Variants in ATP6V0D1 observed in about 807,000 individuals in gnomAD.
The protein encoded by ATP6V0D1 is ATPase H+ transporting V0 subunit d1.
In ATP6V0D1, 13 loss-of-function variants were observed where a neutral mutation model predicts 39.0. The ratio of observed to expected loss-of-function variants is 0.33; its 90% CI spans 0.22 to 0.53. The LOEUF is 0.53. Among genes scored for constraint, ATP6V0D1 ranks in the 20% least tolerant of loss-of-function variants. ATP6V0D1 has a pLI of 0.94. For missense variants in ATP6V0D1, 272 were observed against 470.9 expected, an observed-to-expected ratio of 0.58 and a Z score of 3.91; for synonymous variants, 191 against 191.2, an observed-to-expected ratio of 1.00 and a Z score of 0.01.
At chr16:67,463,063 GCAGGAGCATCCT>G (rs2041301558) in intron 1 of ATP6V0D1, among the ~76,000 whole-genome samples, 1 of 152,204 alleles carries the variant, frequency 6.6e-6, no homozygotes, top group Non-Finnish European at 1.5e-5. Flanking sequence ...CTGGATCCTG[GCAGGAGCATCCT>G]GCCAGTTCCA....
intron 4 of ATP6V0D1, chr16:67,440,650 T>C (rs1267737906): frequency 6.6e-6 from 1 of 152,204 alleles, no homozygotes; most frequent in Non-Finnish European, 1.5e-5. Context: ...CAACTTGGGC[T>C]CACAAGCTCT....
At position 67,448,240 on chromosome 16, in the gene ATP6V0D1, C is replaced by T. The variant is rs535003803; in HGVS notation, c.303-3534G>A. Among the ~76,000 whole-genome samples the T allele has an allele frequency of 5.3e-5, 8 of 152,046 alleles. No homozygotes were observed. The East Asian group carries it at 1.4e-3, about 26-fold the overall frequency. ...GGTGGCATGCACTTGTAATACCAGA[C>T]ACTTGGGAGGCTGAGGCAGGAGGAT... On this transcript the variant is annotated intron_variant, in intron 2 of 7. Coordinates refer to ENST00000290949, the MANE Select transcript of ATP6V0D1 (RefSeq NM_004691.5).
intron 7 of ATP6V0D1, 42 bp downstream of exon 7, chr16:67,438,751 C>A: frequency 6.2e-7 from 1 of 1,614,158 alleles, no homozygotes; most frequent in Non-Finnish European, 8.5e-7. Flanking sequence ...GTCTAAACCA[C>A]CAGGTTGGCC....
chr16:67,455,639 C>A (rs1451208332), intron 1 of ATP6V0D1: 1 of 152,240 alleles, frequency 6.6e-6, no homozygotes. Flanking sequence ...GCAGAAGCCA[C>A]CAGCCCCTGT....
chr16:67,441,892 A>G (rs866141794), intron 4 of ATP6V0D1, among the ~76,000 whole-genome samples: 39 of 152,198 alleles, frequency 2.6e-4, no homozygotes, highest in African/African-American at 8.7e-4. Flanking sequence ...CTTTCTGAGA[A>G]GACTCTGCTC....
At chr16:67,468,475 A>C (rs2041347585) in intron 1 of ATP6V0D1, among the ~76,000 whole-genome samples, 1 of 151,632 alleles carries the variant, frequency 6.6e-6, no homozygotes, top group Non-Finnish European at 1.5e-5. Flanking sequence ...GTAGCCCTAC[A>C]TACTTGGGGG....
chr16:67,464,719 T>C (rs1239949706), intron 1 of ATP6V0D1, among the ~76,000 whole-genome samples: 1 of 152,196 alleles, frequency 6.6e-6, no homozygotes, highest in African/African-American at 2.4e-5. Context: ...AAAAGCCCCA[T>C]CCACCAGCCA....
At chr16:67,441,142 G>A (rs2142297059) in intron 4 of ATP6V0D1, 1 of 152,428 alleles carries the variant, frequency 6.6e-6, no homozygotes, top group South Asian at 2.1e-4. Context: ...GGGTCAGGGA[G>A]GCTGGTGGGA....
rs368251428 is a variant in ATP6V0D1, at chr16:67,481,014, C to T, written c.73G>A (p.Ala25Thr). ...YLEGLVRGLK[A>T]GVLSQADYLN... is the part of the protein sequence containing the mutation. ...TAGTCGGCCTGGCTGAGCACCCCGG[C>T]CTTCAGGCCGCGCACCAGTCCCTCC... Residue 25 changes from alanine to threonine, a missense_variant, in exon 1 of 8, where the codon GCC becomes ACC. Around this residue, in one of 4 missense-constraint regions of ATP6V0D1, gnomAD observed 81 missense variants for 96.0 expected, o/e 0.84. Coordinates refer to ENST00000290949, the MANE Select transcript of ATP6V0D1 (RefSeq NM_004691.5). 1.9e-6 allele frequency: 3 copies of T among 1,614,088 alleles called. No individual in the cohort carries two copies. Among genetic ancestry groups the T allele is most frequent in the East Asian group, 2.2e-5 (1 of 44,890 alleles).
At chr16:67,452,738 T>C (rs990187422) in intron 2 of ATP6V0D1, among the ~76,000 whole-genome samples, 2 of 152,210 alleles carry the variant, frequency 1.3e-5, no homozygotes, top group African/African-American at 2.4e-5. Context: ...TCTTGGGACA[T>C]CCCTGCAAAG....
chr16:67,462,751 C>A (rs1400551070), intron 1 of ATP6V0D1, among the ~76,000 whole-genome samples: 1 of 151,274 alleles, frequency 6.6e-6, no homozygotes, highest in Non-Finnish European at 1.5e-5. Flanking sequence ...TGGCTTGAGT[C>A]TGGGAGGTTG....
chr16:67,475,950 C>T (rs1037154965), intron 1 of ATP6V0D1, among the ~76,000 whole-genome samples: 1 of 152,128 alleles, frequency 6.6e-6, no homozygotes, highest in Non-Finnish European at 1.5e-5. Flanking sequence ...GCATCCCAGG[C>T]CAGATGGAGT....
At chr16:67,452,650 T>C (rs750253154) in intron 2 of ATP6V0D1, among the ~76,000 whole-genome samples, 7 of 152,230 alleles carry the variant, frequency 4.6e-5, no homozygotes, top group Non-Finnish European at 4.4e-5. Flanking sequence ...CCGCTGAGCA[T>C]GCCTCTGCTC....
At chr16:67,463,546 A>C (rs1481758439) in intron 1 of ATP6V0D1, among the ~76,000 whole-genome samples, 1 of 152,082 alleles carries the variant, frequency 6.6e-6, no homozygotes, top group Non-Finnish European at 1.5e-5. Context: ...GAAAGAAAAA[A>C]GAAAGAGGGA....
chr16:67,479,679 C>T (rs200841786), intron 1 of ATP6V0D1, among the ~76,000 whole-genome samples: 5 of 152,144 alleles, frequency 3.3e-5, no homozygotes, highest in African/African-American at 1.2e-4. Context: ...AAGTTTCTGA[C>T]GAGAAAATGT....
At chr16:67,475,975 A>T (rs1238865169) in intron 1 of ATP6V0D1, among the ~76,000 whole-genome samples, 1 of 152,218 alleles carries the variant, frequency 6.6e-6, no homozygotes, top group African/African-American at 2.4e-5. Context: ...CACACCTGTA[A>T]TCCCAGCACT....
At chr16:67,455,835 C>T (rs1411423396) in intron 1 of ATP6V0D1, 1 of 152,208 alleles carries the variant, frequency 6.6e-6, no homozygotes, top group Admixed American at 6.5e-5. Flanking sequence ...GCTCAGTAAA[C>T]TTGGGTGGTT....
At chr16:67,480,766 T>C (rs2041464888) in intron 1 of ATP6V0D1, among the ~76,000 whole-genome samples, 191 bp downstream of exon 1, 1 of 152,060 alleles carries the variant, frequency 6.6e-6, no homozygotes, top group Non-Finnish European at 1.5e-5. Context: ...TAAAGCCTTG[T>C]TTGAGTTTGG....
intron 2 of ATP6V0D1, chr16:67,452,346 G>A (rs1597574300): frequency 1.3e-6 from 2 of 1,535,702 alleles, no homozygotes; most frequent in African/African-American, 1.4e-5. Flanking sequence ...AGGTGTCCCA[G>A]CCTCTGACTC....
Sources: allele counts gnomAD v4.1 joint callset (sites outside exome capture counted in the v4.1 genomes callset), GRCh38; gene constraint gnomAD v4.1.1; regional missense constraint gnomAD v4.1.1; transcripts MANE v1.5; gene names NCBI Gene and HGNC (gene_info 2026-07-23, HGNC 2026-07-21).